The following GPHN variants were observed in gnomAD, a reference collection of about 807,000 sequenced individuals.
GPHN encodes gephyrin.
Under a neutral mutation model 95.5 loss-of-function variants are expected in GPHN, and 17 were observed. The ratio of observed to expected loss-of-function variants is 0.18; its 90% CI spans 0.12 to 0.27. The LOEUF (loss-of-function observed/expected upper bound fraction) is 0.27, where lower values mean the gene tolerates loss of function less well. Among genes scored for constraint, GPHN ranks in the 10% least tolerant of loss-of-function variants. GPHN has a pLI of 1.00. For missense variants in GPHN, 660 were observed against 978.1 expected, an observed-to-expected ratio of 0.67 and a Z score of 4.34; for synonymous variants, 320 against 322.5, an observed-to-expected ratio of 0.99 and a Z score of 0.08.
rs2058568388 is a variant in GPHN, at chr14:66,523,691, A to G, written c.64+15100A>G. Among the ~76,000 whole-genome samples the G allele has an allele frequency of 2.6e-5, 4 of 152,218 alleles. No homozygotes were observed. The South Asian group carries it at 8.3e-4, about 32-fold the overall frequency. ...GCCTGCCTTAGAGGGTTGTTGTGGT[A>G]AGTGAGATAATGAAGTAAACCTTTA... On this transcript the variant is annotated intron_variant, in intron 1 of 22. Transcript: ENST00000478722.
chr14:66,845,410 A>G (rs1400625440), intron 4 of GPHN, among the ~76,000 whole-genome samples: 1 of 152,222 alleles, frequency 6.6e-6, no homozygotes, highest in Non-Finnish European at 1.5e-5. Flanking sequence ...TTAGAAGACT[A>G]TTCTATGAAT....
chr14:67,200,008 C>T, the GPHN span: 1 of 1,009,960 alleles, frequency 9.9e-7, no homozygotes, highest in East Asian at 2.6e-5. Context: ...CCATGGACCT[C>T]ATGGTTTAGG....
At chr14:67,640,169 T>C in the GPHN span, among the ~76,000 whole-genome samples, 1 of 152,160 alleles carries the variant, frequency 6.6e-6, no homozygotes. Flanking sequence ...TTTATCTTGG[T>C]TCACAATGTC....
intron 2 of GPHN, among the ~76,000 whole-genome samples, chr14:66,775,300 C>T (rs2059341723): frequency 6.6e-6 from 1 of 151,938 alleles, no homozygotes; most frequent in African/African-American, 2.4e-5. Context: ...CTTATAAGTG[C>T]AGATAAGTAA....
At chr14:67,507,597 C>T in the GPHN span, among the ~76,000 whole-genome samples, 10 of 152,080 alleles carry the variant, frequency 6.6e-5, no homozygotes, top group African/African-American at 9.7e-5. Context: ...TACAGACATG[C>T]GCCACCATGT....
At chr14:67,245,243 G>A in the GPHN span, among the ~76,000 whole-genome samples, 1 of 152,190 alleles carries the variant, frequency 6.6e-6, no homozygotes, top group African/African-American at 2.4e-5. Flanking sequence ...TGGGTTTGAA[G>A]TGGCTGAACC....
At chr14:67,014,144 T>C (rs2073167937) in intron 9 of GPHN, among the ~76,000 whole-genome samples, 1 of 151,976 alleles carries the variant, frequency 6.6e-6, no homozygotes, top group South Asian at 2.1e-4. Context: ...TAGAATATCA[T>C]CCAAACAAAA....
chr14:66,599,995 TTAATA>T (rs1216181205), intron 1 of GPHN, among the ~76,000 whole-genome samples: 6 of 152,120 alleles, frequency 3.9e-5, no homozygotes, highest in African/African-American at 1.4e-4. Flanking sequence ...TAATCTTCTG[TTAATA>T]TAATGGATTT....
chr14:66,704,165 T>G (rs1267367176), intron 2 of GPHN, among the ~76,000 whole-genome samples: 3 of 152,122 alleles, frequency 2.0e-5, no homozygotes, highest in Non-Finnish European at 4.4e-5. Flanking sequence ...CTCAGATTTA[T>G]TAAACAAGTT....
In GPHN at chr14:66,630,510, C is replaced by T. The variant is rs571227586; in HGVS notation, c.65-50597C>T. Reference sequence around the variant, plus strand: ...TGTTATTTTTTTTTTAAGATGGAGTCGCCCAGGCTGTGGTGCAGTGGCGCG... The same window carrying T: ...TGTTATTTTTTTTTTAAGATGGAGTTGCCCAGGCTGTGGTGCAGTGGCGCG... On this transcript the variant is annotated intron_variant, in intron 1 of 22. Transcript: ENST00000478722. 5.3e-5 allele frequency among the ~76,000 whole-genome samples: 8 copies of T among 151,948 alleles called. No individual in the cohort carries two copies. In the East Asian group the frequency reaches 7.7e-4, roughly 15 times the overall value.
At chr14:67,586,549 G>C in the GPHN span, 2 of 617,424 alleles carry the variant, frequency 3.2e-6, no homozygotes, top group South Asian at 1.5e-5. Context: ...TTGTGGGGAA[G>C]ACCGCAAAAA....
At chr14:67,726,942 C>T in the GPHN span, 6 of 1,582,886 alleles carry the variant, frequency 3.8e-6, no homozygotes, top group Non-Finnish European at 5.2e-6. Context: ...CCTGGGCTGT[C>T]ATTCCACTTT....
chr14:67,595,581 A>G, the GPHN span, among the ~76,000 whole-genome samples: 1 of 152,226 alleles, frequency 6.6e-6, no homozygotes, highest in Non-Finnish European at 1.5e-5. Context: ...GGCATGTGAC[A>G]CAACTCTGGC....
At chr14:66,791,880 G>A (rs1474555532) in intron 3 of GPHN, among the ~76,000 whole-genome samples, 5 of 152,184 alleles carry the variant, frequency 3.3e-5, no homozygotes, top group Non-Finnish European at 5.9e-5. Flanking sequence ...AATGTGAAAA[G>A]GAAAGAGGTT....
At position 66,713,820 on chromosome 14, in the gene GPHN, G is replaced by A. The variant is rs146886353; in HGVS notation, c.143+32635G>A. Among the ~76,000 whole-genome samples, 7 of 152,148 alleles carry A rather than the reference G, an allele frequency of 4.6e-5. No homozygotes were observed. The East Asian group carries it at 9.6e-4, about 21-fold the overall frequency. On this transcript the variant is annotated intron_variant, in intron 2 of 22. Coordinates refer to ENST00000478722, the MANE Select transcript of GPHN (RefSeq NM_020806.5). ...GTCTCTCTCTGTTGCCCAGACTGGA[G>A]TGCAGTGACGTGATCTTGGCTCACT...
chr14:66,656,557 A>G (rs962169364), intron 1 of GPHN, among the ~76,000 whole-genome samples: 1 of 152,156 alleles, frequency 6.6e-6, no homozygotes, highest in Non-Finnish European at 1.5e-5. Context: ...GCAATCCTGC[A>G]TCAAGCGAGT....
chr14:66,608,040 G>T lies in GPHN; in HGVS notation c.65-73067G>T, dbSNP rs1383824337. Among the ~76,000 whole-genome samples, 20 of 117,720 alleles carry T rather than the reference G, an allele frequency of 1.7e-4. No individual in the cohort carries two copies. In the East Asian group the frequency reaches 2.1e-3, roughly 12 times the overall value. 77.2% of individuals were successfully genotyped at this position (117,720 alleles called of 152,430 possible). A position where few individuals can be genotyped will look rare whatever the true frequency, so the allele number is the denominator to read the frequency against. ...TTTCTTTTCTTTTATTAGCTTTGTG[G>T]TTTTTTTTTTTTTTCTAGTTCCTCT... On this transcript the variant is annotated intron_variant, in intron 1 of 22. Transcript: ENST00000478722.
At chr14:66,831,203 A>G (rs989169737) in intron 4 of GPHN, among the ~76,000 whole-genome samples, 3 of 152,144 alleles carry the variant, frequency 2.0e-5, no homozygotes, top group African/African-American at 4.8e-5. Flanking sequence ...TAACAGAAGC[A>G]TAGCAAAAAA....
intron 16 of GPHN, among the ~76,000 whole-genome samples, chr14:67,116,761 A>G (rs1412068874): frequency 6.6e-6 from 1 of 152,206 alleles, no homozygotes; most frequent in Non-Finnish European, 1.5e-5. Flanking sequence ...TTTCTAATAC[A>G]ATTTGTAAAC....
Sources: gnomAD v4.1 joint callset for allele counts (sites outside exome capture counted in the v4.1 genomes callset) on GRCh38, gnomAD v4.1.1 for gene constraint, MANE v1.5 for transcripts, NCBI Gene and HGNC (gene_info 2026-07-23, HGNC 2026-07-21) for gene names.